The following TSC22D3 variants were observed in gnomAD, a reference collection of about 807,000 sequenced individuals.
The protein encoded by TSC22D3 is TSC22 domain family protein 3.
A neutral mutation model predicts 11.1 loss-of-function variants in TSC22D3; 4 were observed. That is an observed-to-expected ratio of 0.36 (90% CI 0.18 to 0.83). The LOEUF (loss-of-function observed/expected upper bound fraction) is 0.83. Among genes scored for constraint, TSC22D3 ranks in the 40% least tolerant of loss-of-function variants. The probability of loss-of-function intolerance (pLI) is 0.48; values close to 1 mark genes in which losing one functional copy is unlikely to be tolerated. For missense variants in TSC22D3, 118 were observed against 159.4 expected, an observed-to-expected ratio of 0.74 and a Z score of 1.40; for synonymous variants, 77 against 70.3, an observed-to-expected ratio of 1.10 and a Z score of -0.48.
chrX:107,723,506 A>C (rs1350975600), intron 1 of TSC22D3, among the ~76,000 whole-genome samples: 1 of 112,425 alleles, frequency 8.9e-6, no homozygotes, highest in Admixed American at 9.4e-5. Flanking sequence ...CCTACAGACC[A>C]ACAAGCATCT....
intron 2 of TSC22D3, 130 bp downstream of exon 2, chrX:107,715,769 T>G: frequency 1.3e-6 from 1 of 769,697 alleles, no homozygotes; most frequent in Non-Finnish European, 2.0e-6. Context: ...CCAGTGCGGA[T>G]AGGAGGCAGG....
At chrX:107,716,983 G>A (rs1175809987) in intron 1 of TSC22D3, 41 of 1,044,967 alleles carry the variant, frequency 3.9e-5, no homozygotes, top group Non-Finnish European at 5.0e-5. Flanking sequence ...AGGCGCTCCA[G>A]CTGGAGTTGA....
intron 1 of TSC22D3, among the ~76,000 whole-genome samples, chrX:107,746,650 CT>C (rs1178524626): frequency 9.0e-6 from 1 of 111,617 alleles, no homozygotes; most frequent in Non-Finnish European, 1.9e-5. Context: ...TTTTCCATAC[CT>C]TTTTTGCATA....
chrX:107,772,549 A>G (rs1291036538), intron 1 of TSC22D3, among the ~76,000 whole-genome samples: 5 of 111,599 alleles, frequency 4.5e-5, no homozygotes, highest in Non-Finnish European at 9.4e-5. Flanking sequence ...TAAGGTCCCA[A>G]TTGTCAAGGA....
chrX:107,726,304 C>G (rs1021189334), intron 1 of TSC22D3, among the ~76,000 whole-genome samples: 1 of 111,953 alleles, frequency 8.9e-6, no homozygotes, highest in African/African-American at 3.3e-5. Context: ...ACATTGTTTG[C>G]TAGGTTTGGG....
chrX:107,716,688 A>G, intron 1 of TSC22D3: 1 of 1,207,593 alleles, frequency 8.3e-7, no homozygotes. Flanking sequence ...GCCAGCGGTT[A>G]CCTGTTGTCC....
At chrX:107,717,109 G>A in intron 1 of TSC22D3, 1 of 892,471 alleles carries the variant, frequency 1.1e-6, no homozygotes, top group Non-Finnish European at 1.4e-6. Context: ...AGCCGGCTGC[G>A]TCACATGGCG....
intron 1 of TSC22D3, among the ~76,000 whole-genome samples, chrX:107,744,745 G>A (rs1569451681): frequency 1.8e-5 from 2 of 111,653 alleles, no homozygotes; most frequent in Non-Finnish European, 1.9e-5. Context: ...TCATTTTATA[G>A]GATATTTTGG....
In TSC22D3 at chrX:107,714,523, A is replaced by G. The variant is rs776856453; in HGVS notation, c.599T>C (p.Val200Ala). The change falls in exon 3 of 3, where the codon GTG becomes GCG. Residue 200 changes from valine (V) to alanine (A), a missense_variant. Transcript: ENST00000372383. ...CCACCCTGAGGACAGAGCCACTTAC[A>G]CCGCAGAACCACCAGGGGCCTCGGG... is the stretch of plus-strand genomic sequence containing the variant. ...QVPEAPGGSA[V>A] The G allele has an allele frequency of 7.4e-6, 9 of 1,210,010 alleles. No individual in the cohort carries two copies. The Admixed American group carries it at 1.7e-4, about 23-fold the overall frequency.
chrX:107,732,425 C>A (rs1182861462), intron 1 of TSC22D3, among the ~76,000 whole-genome samples: 1 of 110,732 alleles, frequency 9.0e-6, no homozygotes, highest in African/African-American at 3.3e-5. Context: ...GCCAGCGCTA[C>A]CTTCCTCCCC....
intron 1 of TSC22D3, among the ~76,000 whole-genome samples, chrX:107,755,337 C>T (rs184575741): frequency 3.6e-5 from 4 of 111,850 alleles, no homozygotes; most frequent in Non-Finnish European, 5.6e-5. Context: ...GTTTGAAGAT[C>T]AACTGTCTCT....
At chrX:107,748,900 T>G (rs1928797726) in intron 1 of TSC22D3, among the ~76,000 whole-genome samples, 1 of 111,984 alleles carries the variant, frequency 8.9e-6, no homozygotes, top group Non-Finnish European at 1.9e-5. Context: ...CCTGTCTGCT[T>G]TGCTTACCAT....
intron 2 of TSC22D3, chrX:107,715,694 G>A (rs1190467410): frequency 2.5e-5 from 12 of 482,488 alleles, no homozygotes; most frequent in Middle Eastern, 8.4e-4. Flanking sequence ...AGGAAGAAAG[G>A]AGGGAGCCCA....
chrX:107,713,640 C>T lies in TSC22D3; in HGVS notation c.*879G>A, dbSNP rs1350725836. ...TGGGGAAAGGGTTGCAGCAGCAAGG[C>T]ATCCGTGGCCGCATTCAGAGGCTGG... On this transcript the variant is annotated 3_prime_UTR_variant, in exon 3 of 3. Transcript: ENST00000372383. 1 of 112,368 alleles carries T rather than the reference C, an allele frequency of 8.9e-6. No homozygotes were observed. Among genetic ancestry groups the T allele is most frequent in the Non-Finnish European group, 1.9e-5 (1 of 53,232 alleles). The allele number at this position is 112,368 out of a possible 1,213,427, so 9.3% of individuals were successfully genotyped here.
chrX:107,717,149 G>A, intron 1 of TSC22D3: 1 of 767,307 alleles, frequency 1.3e-6, no homozygotes, highest in Non-Finnish European at 1.6e-6. Context: ...GTCCTGTACC[G>A]GGCTTTGTGG....
rs764889060 is a variant in TSC22D3 at position 107,742,281 on chromosome X, A to AAGAG, written c.321-26335_321-26332dup. 8.6e-3 allele frequency among the ~76,000 whole-genome samples: 489 copies of AAGAG among 56,789 alleles called. 6 individuals carry two copies. The highest frequency in any genetic ancestry group is 0.011 in the East Asian group (17 of 1,484). 49.3% of individuals were successfully genotyped at this position (56,789 alleles called of 115,157 possible). On this transcript the variant is annotated intron_variant, in intron 1 of 2. Transcript: ENST00000372383. ...TATTTGAGAGAGAGAGAGAGAGAGA[A>AAGAG]AGAGAGAGAGAGAGAGAGAGAGAGA...
At chrX:107,757,460 G>A (rs1327825092) in intron 1 of TSC22D3, among the ~76,000 whole-genome samples, 2 of 112,120 alleles carry the variant, frequency 1.8e-5, no homozygotes, top group African/African-American at 3.2e-5. Flanking sequence ...CTAGTTAGGA[G>A]GAACTTAGCT....
At chrX:107,716,563 T>A in intron 1 of TSC22D3, 3 of 252,266 alleles carry the variant, frequency 1.2e-5, no homozygotes, top group Non-Finnish European at 4.8e-6. Context: ...CCCCCGCCCC[T>A]TCCCAGGATG....
At position 107,756,149 on chromosome X, in the gene TSC22D3, G is replaced by A. The variant is rs191371128; in HGVS notation, c.320+18951C>T. ...TGGCCCCTCTTGTCACATGTCACAC[G>A]TCTGCTAACACACAGTGTAGTAGCA... On this transcript the variant is annotated intron_variant, in intron 1 of 2. Coordinates refer to ENST00000372383, the MANE Select transcript of TSC22D3 (RefSeq NM_198057.3). 1.4e-4 allele frequency among the ~76,000 whole-genome samples: 16 copies of A among 111,931 alleles called. No individual in the cohort carries two copies. The East Asian group carries it at 3.7e-3, about 26-fold the overall frequency.
Sources: allele counts gnomAD v4.1 joint callset (sites outside exome capture counted in the v4.1 genomes callset), GRCh38; gene constraint gnomAD v4.1.1; transcripts MANE v1.5; gene names NCBI Gene and HGNC (gene_info 2026-07-23, HGNC 2026-07-21).